PAAF1: variants seen among roughly 807,000 people sequenced by gnomAD.
PAAF1 encodes the protein proteasomal ATPase-associated factor 1.
In PAAF1, 46 loss-of-function variants were observed where a neutral mutation model predicts 52.8. That is an observed-to-expected ratio of 0.87 (90% CI 0.69 to 1.11). The LOEUF is 1.11. PAAF1 is among the 50% of genes most tolerant of loss of function. PAAF1 has a pLI of 0.00. For synonymous variants in PAAF1, 178 were observed against 172.8 expected (o/e 1.03, Z -0.24); for missense variants, 424 against 477.4 (o/e 0.89, Z 1.04).
chr11:73,908,253 A>G (rs1949814241), intron 6 of PAAF1, among the ~76,000 whole-genome samples: 1 of 147,498 alleles, frequency 6.8e-6, no homozygotes, highest in African/African-American at 2.5e-5. Flanking sequence ...ATGTGTATAT[A>G]TATGTATATA....
chr11:73,907,942 A>T (rs754539696), intron 6 of PAAF1, among the ~76,000 whole-genome samples: 5 of 152,078 alleles, frequency 3.3e-5, no homozygotes, highest in Non-Finnish European at 7.4e-5. Context: ...TGTCCTGTCC[A>T]GGACATGTGG....
At chr11:73,912,320 A>T (rs1189560902) in intron 7 of PAAF1, among the ~76,000 whole-genome samples, 1 of 152,108 alleles carries the variant, frequency 6.6e-6, no homozygotes. Flanking sequence ...TACCTTGTCT[A>T]ACAAGGAGTG....
intron 3 of PAAF1, among the ~76,000 whole-genome samples, chr11:73,890,848 C>G (rs1949178932): frequency 6.6e-6 from 1 of 152,110 alleles, no homozygotes; most frequent in Non-Finnish European, 1.5e-5. Context: ...TATTGTTTGT[C>G]TGTCTTCTGT....
chr11:73,906,932 G>A (rs759704225), intron 6 of PAAF1, among the ~76,000 whole-genome samples: 6 of 152,176 alleles, frequency 3.9e-5, no homozygotes, highest in Non-Finnish European at 5.9e-5. Flanking sequence ...ATCGTTAAAT[G>A]GGTTTTAATG....
At chr11:73,916,083 C>G (rs1449469855) in intron 8 of PAAF1, among the ~76,000 whole-genome samples, 1 of 151,516 alleles carries the variant, frequency 6.6e-6, no homozygotes, top group Non-Finnish European at 1.5e-5. Flanking sequence ...TTTTCAGATT[C>G]ATGGGGAGAA....
At chr11:73,924,495 C>A in intron 10 of PAAF1, 120 bp from the exon 11 acceptor site, 1 of 781,070 alleles carries the variant, frequency 1.3e-6, no homozygotes, top group Non-Finnish European at 2.1e-6. Flanking sequence ...ATTTGCCATT[C>A]TGGGTCTTTG....
intron 4 of PAAF1, among the ~76,000 whole-genome samples, chr11:73,897,532 A>T (rs1949441157): frequency 6.9e-6 from 1 of 145,948 alleles, no homozygotes. Flanking sequence ...GGTGCTCCCC[A>T]CATCTCAGAC....
chr11:73,899,408 CTTTTT>C (rs71065053), intron 5 of PAAF1, among the ~76,000 whole-genome samples, 164 bp downstream of exon 5: 12,157 of 100,906 alleles, frequency 0.12, 533 homozygotes, highest in East Asian at 0.2. Context: ...TTCTTTTTCT[CTTTTT>C]TTTTTTTTTT....
At chr11:73,889,703 A>T (rs185134310) in intron 3 of PAAF1, among the ~76,000 whole-genome samples, 1 of 152,342 alleles carries the variant, frequency 6.6e-6, no homozygotes, top group Admixed American at 6.5e-5. Context: ...AGCTCCTTGC[A>T]TCCTTGCTAA....
chr11:73,877,061 G>T lies in PAAF1; in HGVS notation c.40G>T (p.Ala14Ser), dbSNP rs979094493. The change falls in exon 1 of 12, where the codon GCC becomes TCC. Residue 14 changes from alanine (A) to serine (S), a missense_variant. Coordinates refer to ENST00000310571, the MANE Select transcript of PAAF1 (RefSeq NM_025155.3). ...PLRIQSDWAQALRKDEGEAWL... is the reference protein window; with the variant it reads ...PLRIQSDWAQSLRKDEGEAWL... ...GAGGATTCAGAGCGACTGGGCGCAAGCCCTCAGGTGAATCCAGGCCCAGAA... is the reference window on the plus strand; with the variant it reads ...GAGGATTCAGAGCGACTGGGCGCAATCCCTCAGGTGAATCCAGGCCCAGAA... 60 of 1,538,388 alleles carry T rather than the reference G, an allele frequency of 3.9e-5. No individual in the cohort carries two copies. The highest frequency in any genetic ancestry group is 4.1e-5 in the Non-Finnish European group (47 of 1,140,236).
At chr11:73,924,731 T>A in intron 11 of PAAF1, 34 bp downstream of exon 11, 1 of 1,555,798 alleles carries the variant, frequency 6.4e-7, no homozygotes, top group Non-Finnish European at 8.9e-7. Context: ...ACCTGGGTGA[T>A]TCTCATGAGA....
chr11:73,897,157 G>T (rs1055009628), intron 4 of PAAF1, among the ~76,000 whole-genome samples: 1 of 136,548 alleles, frequency 7.3e-6, no homozygotes, highest in African/African-American at 2.8e-5. Context: ...CTCACCTCCC[G>T]GACGGGGCGG....
At chr11:73,926,420 C>A (rs1950359708) in intron 11 of PAAF1, among the ~76,000 whole-genome samples, 2 of 149,632 alleles carry the variant, frequency 1.3e-5, no homozygotes, top group Non-Finnish European at 3.0e-5. Context: ...TTTAAAAATT[C>A]TTGCGTAGTG....
At chr11:73,903,116 T>C (rs1246957691) in intron 6 of PAAF1, among the ~76,000 whole-genome samples, 1 of 152,368 alleles carries the variant, frequency 6.6e-6, no homozygotes, top group East Asian at 1.9e-4. Flanking sequence ...CAGCCCTGAC[T>C]TTTTTCTTGA....
chr11:73,909,540 C>T lies in PAAF1; in HGVS notation c.674C>T (p.Ala225Val), dbSNP rs754726989. ...TGTGGTTCTTCTATCAATGGAGTGG[C>T]GGTGGGTGCTGCTGACAACTCCATA... ...ADCGSSINGV[A>V]VGAADNSINL... is the part of the protein sequence containing the mutation. The change falls in exon 7 of 12, where the codon GCG becomes GTG. Residue 225 changes from alanine (A) to valine (V), a missense_variant. Coordinates refer to ENST00000310571, the MANE Select transcript of PAAF1 (RefSeq NM_025155.3). 24 of 1,613,982 alleles carry T rather than the reference C, an allele frequency of 1.5e-5. No individual in the cohort carries two copies. In the East Asian group the frequency reaches 1.8e-4, roughly 12 times the overall value.
chr11:73,902,666 TTAGAG>T (rs1472401887), intron 6 of PAAF1, among the ~76,000 whole-genome samples: 2 of 152,156 alleles, frequency 1.3e-5, no homozygotes, highest in Non-Finnish European at 2.9e-5. Flanking sequence ...GACCTTTAGC[TTAGAG>T]TAAATAGTAG....
At chr11:73,927,261 G>C in intron 11 of PAAF1, 24 bp from the exon 12 acceptor site, 1 of 1,586,458 alleles carries the variant, frequency 6.3e-7, no homozygotes. Context: ...GGCTTCCTTT[G>C]AACTGTGAAT....
Position 73,928,841 on chromosome 11 carries a change from T to A in PAAF1, c.*1479T>A. 1 of 152,174 alleles carries A rather than the reference T, an allele frequency of 6.6e-6. No homozygotes were observed. Among genetic ancestry groups the A allele is most frequent in the Non-Finnish European group, 1.5e-5 (1 of 68,018 alleles). 9.4% of individuals were successfully genotyped at this position (152,174 alleles called of 1,614,324 possible). ...AACGATTCTCCTGCCTCAGCCTCCC[T>A]AGTAGCTGGGACTGCAGGCATGCAC... On this transcript the variant is annotated 3_prime_UTR_variant, in exon 12 of 12. Transcript: ENST00000310571.
intron 5 of PAAF1, among the ~76,000 whole-genome samples, chr11:73,899,543 C>T (rs1949535958): frequency 6.6e-6 from 1 of 151,494 alleles, no homozygotes; most frequent in South Asian, 2.1e-4. Context: ...TCCCAAGTAG[C>T]TGAGATTACA....
Sources: gnomAD v4.1 joint callset for allele counts (sites outside exome capture counted in the v4.1 genomes callset) on GRCh38, gnomAD v4.1.1 for gene constraint, MANE v1.5 for transcripts, NCBI Gene and HGNC (gene_info 2026-07-23, HGNC 2026-07-21) for gene names.